Variants in NDUFAF2 observed in about 807,000 individuals in gnomAD.
The protein encoded by NDUFAF2 is NADH:ubiquinone oxidoreductase complex assembly factor 2.
NDUFAF2 carries 13 observed loss-of-function variants against 22.8 expected under a neutral mutation model. That is an observed-to-expected ratio of 0.57 (90% CI 0.37 to 0.91). The LOEUF (loss-of-function observed/expected upper bound fraction) is 0.91. Among genes scored for constraint, NDUFAF2 ranks in the 40% least tolerant of loss-of-function variants. The probability of loss-of-function intolerance (pLI) is 0.01; values close to 1 mark genes in which losing one functional copy is unlikely to be tolerated. For synonymous variants in NDUFAF2, 53 were observed against 64.2 expected (o/e 0.83, Z 0.84); for missense variants, 162 against 195.2 (o/e 0.83, Z 1.01).
intron 1 of NDUFAF2, among the ~76,000 whole-genome samples, chr5:61,025,050 T>C (rs1426914813): frequency 6.6e-6 from 1 of 152,100 alleles, no homozygotes; most frequent in African/African-American, 2.4e-5. Context: ...CTTATTGATA[T>C]AGCTGTCCCT....
At chr5:61,096,546 C>A (rs954465938) in intron 2 of NDUFAF2, among the ~76,000 whole-genome samples, 2 of 147,984 alleles carry the variant, frequency 1.4e-5, no homozygotes, top group Non-Finnish European at 3.0e-5. Context: ...TTGCAGTGAG[C>A]CAAGATTGCG....
chr5:60,986,377 A>G (rs1580080995), intron 1 of NDUFAF2, among the ~76,000 whole-genome samples: 1 of 152,212 alleles, frequency 6.6e-6, no homozygotes, highest in African/African-American at 2.4e-5. Flanking sequence ...CTTCTTAGTA[A>G]ATAATGAAAT....
At chr5:60,995,997 C>A (rs1264758331) in intron 1 of NDUFAF2, among the ~76,000 whole-genome samples, 2 of 152,150 alleles carry the variant, frequency 1.3e-5, no homozygotes, top group African/African-American at 4.8e-5. Context: ...CTTAAGTCTG[C>A]TTTTGTTAAA....
chr5:61,030,124 C>A (rs1751705231), intron 1 of NDUFAF2, among the ~76,000 whole-genome samples: 1 of 152,052 alleles, frequency 6.6e-6, no homozygotes, highest in Admixed American at 6.6e-5. Context: ...GCAGATTTAC[C>A]AGTTGGCAGT....
chr5:61,083,705 T>C (rs867193118), intron 2 of NDUFAF2, among the ~76,000 whole-genome samples: 1 of 151,780 alleles, frequency 6.6e-6, no homozygotes, highest in Non-Finnish European at 1.5e-5. Flanking sequence ...ATCTTGCACA[T>C]GTTTTATTAA....
intron 3 of NDUFAF2, among the ~76,000 whole-genome samples, chr5:61,145,315 A>G (rs994582767): frequency 2.6e-5 from 4 of 152,214 alleles, no homozygotes; most frequent in Admixed American, 6.5e-5. Context: ...ACCATTAACT[A>G]CATTACAAAA....
rs1460549711 is a variant in NDUFAF2, at chr5:60,983,279, CAT to C, written c.127+37898_127+37899del. On this transcript the variant is annotated intron_variant, in intron 1 of 3. Transcript: ENST00000296597. ...TTTTTCTTGTAAATTTGTTTGAGTT[CAT>C]TGTAGATTGTGGATATTAGCCCTTT... Among the ~76,000 whole-genome samples the C allele has an allele frequency of 1.2e-3, 61 of 49,774 alleles. 2 individuals carry two copies. The highest frequency in any genetic ancestry group is 2.3e-3 in the Non-Finnish European group (47 of 20,076). The allele number at this position is 49,774 out of a possible 152,430, so 32.7% of individuals were successfully genotyped here.
At chr5:60,946,755 A>G (rs998132341) in intron 1 of NDUFAF2, among the ~76,000 whole-genome samples, 2 of 152,246 alleles carry the variant, frequency 1.3e-5, no homozygotes, top group Non-Finnish European at 2.9e-5. Flanking sequence ...TTCAAGTAAT[A>G]GAATAATTCC....
chr5:61,081,764 C>T (rs1308671977), intron 2 of NDUFAF2, among the ~76,000 whole-genome samples: 2 of 152,216 alleles, frequency 1.3e-5, no homozygotes, highest in Admixed American at 6.5e-5. Context: ...TTCTTAATAG[C>T]GAAAGCAAAA....
intron 1 of NDUFAF2, among the ~76,000 whole-genome samples, chr5:61,049,402 AG>A (rs1413945311): frequency 1.3e-5 from 2 of 152,174 alleles, no homozygotes; most frequent in Admixed American, 1.3e-4. Context: ...TTATCAGAAC[AG>A]GGTTACAAAA....
chr5:61,024,190 A>C (rs1240356380), intron 1 of NDUFAF2, among the ~76,000 whole-genome samples: 4 of 151,716 alleles, frequency 2.6e-5, no homozygotes, highest in Non-Finnish European at 5.9e-5. Context: ...TTGACTCTTA[A>C]TTTCTTTCTA....
At position 61,133,563 on chromosome 5, in the gene NDUFAF2, A is replaced by AGGGGTAT. The variant is rs370581019; in HGVS notation, c.259-19140_259-19134dup. Among the ~76,000 whole-genome samples the AGGGGTAT allele has an allele frequency of 5.4e-3, 826 of 152,344 alleles. 4 individuals are homozygous for AGGGGTAT. Among genetic ancestry groups the AGGGGTAT allele is most frequent in the Non-Finnish European group, 9.9e-3 (676 of 68,032 alleles). On this transcript the variant is annotated intron_variant, in intron 3 of 3. Coordinates refer to ENST00000296597, the MANE Select transcript of NDUFAF2 (RefSeq NM_174889.5). Reference sequence around the variant, plus strand: ...CTCAATTTTCAGCGTTACAAAGGGAAGGGGTATAAGCAATTTAAAAAAAGG... The same window carrying AGGGGTAT: ...CTCAATTTTCAGCGTTACAAAGGGAAGGGGTATGGGGTATAAGCAATTTAAAAAAAGG...
At chr5:61,054,697 A>G (rs185859324) in intron 1 of NDUFAF2, among the ~76,000 whole-genome samples, 3 of 152,348 alleles carry the variant, frequency 2.0e-5, no homozygotes, top group South Asian at 2.1e-4. Context: ...CTCTGCTTCA[A>G]TGCAAAATTC....
chr5:61,095,636 G>A (rs865920831), intron 2 of NDUFAF2, among the ~76,000 whole-genome samples: 1 of 152,206 alleles, frequency 6.6e-6, no homozygotes, highest in African/African-American at 2.4e-5. Flanking sequence ...CTGAGTGGCT[G>A]CTCTGCCAAG....
At chr5:60,958,610 T>G (rs548169218) in intron 1 of NDUFAF2, among the ~76,000 whole-genome samples, 18 of 152,260 alleles carry the variant, frequency 1.2e-4, no homozygotes, top group African/African-American at 4.3e-4. Context: ...TTTATATGCA[T>G]GTGCCTGGAT....
chr5:61,118,733 GT>G (rs1287511394), intron 3 of NDUFAF2, among the ~76,000 whole-genome samples: 1 of 152,174 alleles, frequency 6.6e-6, no homozygotes, highest in Non-Finnish European at 1.5e-5. Flanking sequence ...ATGGTGCATA[GT>G]TTTTCAAAAG....
At chr5:61,049,886 T>TACAC (rs70977822) in intron 1 of NDUFAF2, among the ~76,000 whole-genome samples, 9,875 of 144,254 alleles carry the variant, frequency 0.068, 361 homozygotes, top group African/African-American at 0.094. Flanking sequence ...ATTTAAATTA[T>TACAC]ACACACACAC....
chr5:61,143,428 G>A (rs1038014248), intron 3 of NDUFAF2, among the ~76,000 whole-genome samples: 1 of 151,904 alleles, frequency 6.6e-6, no homozygotes, highest in South Asian at 2.1e-4. Context: ...ATTTATGTCT[G>A]GTAAGCAGTA....
chr5:61,103,318 C>T (rs1752725495), intron 3 of NDUFAF2, among the ~76,000 whole-genome samples: 1 of 152,104 alleles, frequency 6.6e-6, no homozygotes, highest in Admixed American at 6.6e-5. Context: ...CTCCTTCTCC[C>T]ATCAACTGGC....
Sources: gnomAD v4.1 joint callset for allele counts (sites outside exome capture counted in the v4.1 genomes callset) on GRCh38, gnomAD v4.1.1 for gene constraint, MANE v1.5 for transcripts, NCBI Gene and HGNC (gene_info 2026-07-23, HGNC 2026-07-21) for gene names.